The following NELL1 variants were observed in gnomAD, a reference collection of about 807,000 sequenced individuals.
NELL1 encodes the protein protein kinase C-binding protein NELL1.
NELL1 carries 76 observed loss-of-function variants against 107.4 expected under a neutral mutation model. That is an observed-to-expected ratio of 0.71 (90% CI 0.59 to 0.86). The LOEUF is 0.86. Ranked by LOEUF, NELL1 falls within the 40% of genes least tolerant of loss-of-function variation. The pLI is 0.00. For missense variants in NELL1, 1,024 were observed against 1,005.5 expected, an observed-to-expected ratio of 1.02 and a Z score of -0.25; for synonymous variants, 353 against 341.2, an observed-to-expected ratio of 1.03 and a Z score of -0.38.
intron 15 of NELL1, among the ~76,000 whole-genome samples, chr11:21,474,762 G>C (rs115258843): frequency 1.3e-5 from 2 of 152,066 alleles, no homozygotes; most frequent in African/African-American, 4.8e-5. Flanking sequence ...TCCCATTTCA[G>C]TAAAACCTAA....
intron 5 of NELL1, among the ~76,000 whole-genome samples, chr11:20,916,178 G>A (rs1590411910): frequency 6.6e-6 from 1 of 152,018 alleles, no homozygotes; most frequent in Admixed American, 6.6e-5. Context: ...TGAGCATTGG[G>A]AAGCTGTCAG....
At chr11:20,926,031 C>T (rs1850488903) in intron 7 of NELL1, among the ~76,000 whole-genome samples, 1 of 152,044 alleles carries the variant, frequency 6.6e-6, no homozygotes. Context: ...AATTGATCTC[C>T]TGTATGGGGA....
At chr11:20,712,097 T>C (rs971662320) in intron 2 of NELL1, among the ~76,000 whole-genome samples, 13 of 152,186 alleles carry the variant, frequency 8.5e-5, no homozygotes, top group African/African-American at 2.9e-4. Context: ...TATTCTTAGA[T>C]TTGGTCATAT....
intron 13 of NELL1, among the ~76,000 whole-genome samples, chr11:21,204,605 A>G (rs922417753): frequency 6.6e-6 from 1 of 151,818 alleles, no homozygotes; most frequent in African/African-American, 2.4e-5. Flanking sequence ...TCTGAAGCCT[A>G]CTTCTCTGAA....
chr11:21,417,721 C>A (rs60685858), intron 15 of NELL1, among the ~76,000 whole-genome samples: 14 of 152,002 alleles, frequency 9.2e-5, no homozygotes, highest in African/African-American at 3.4e-4. Context: ...TCCCCATTAC[C>A]TGAGCCTATT....
chr11:21,044,137 T>G (rs919981676), intron 12 of NELL1, among the ~76,000 whole-genome samples: 1 of 152,120 alleles, frequency 6.6e-6, no homozygotes, highest in African/African-American at 2.4e-5. Context: ...AGGGTGCAGA[T>G]GGAGAAGCCA....
intron 2 of NELL1, among the ~76,000 whole-genome samples, chr11:20,710,376 C>A (rs950627907): frequency 1.3e-5 from 2 of 152,178 alleles, no homozygotes; most frequent in Non-Finnish European, 2.9e-5. Context: ...TAAACCATCC[C>A]TCCATCCCTG....
intron 13 of NELL1, among the ~76,000 whole-genome samples, chr11:21,218,122 A>G (rs1857662671): frequency 1.3e-5 from 2 of 152,188 alleles, no homozygotes. Context: ...CAAATATACT[A>G]TAGCCAAACT....
intron 7 of NELL1, among the ~76,000 whole-genome samples, chr11:20,922,100 G>A (rs1460361779): frequency 6.6e-6 from 1 of 152,006 alleles, no homozygotes; most frequent in African/African-American, 2.4e-5. Flanking sequence ...AACACTGAGG[G>A]TATCTCATGT....
intron 5 of NELL1, among the ~76,000 whole-genome samples, chr11:20,900,247 A>C (rs1055001220): frequency 1.3e-5 from 2 of 152,138 alleles, no homozygotes; most frequent in Admixed American, 1.3e-4. Context: ...CATGGAATAA[A>C]GTTTCAAGAG....
chr11:21,029,173 G>C lies in NELL1; in HGVS notation c.1300+68613G>C, dbSNP rs146059008. Among the ~76,000 whole-genome samples the C allele has an allele frequency of 4.6e-5, 7 of 152,202 alleles. No homozygotes were observed. The East Asian group carries it at 1.4e-3, about 29-fold the overall frequency. On this transcript the variant is annotated intron_variant, in intron 12 of 19. Coordinates refer to ENST00000357134, the MANE Select transcript of NELL1 (RefSeq NM_006157.5). ...ATACTTTAATCGTATTCATTAAAGG[G>C]GGAAGAGAAAGGGGTTTTGTCCTCA... is the stretch of plus-strand genomic sequence containing the variant.
intron 16 of NELL1, among the ~76,000 whole-genome samples, chr11:21,544,885 G>GT (rs372148142): frequency 8.1e-4 from 121 of 148,954 alleles, no homozygotes; most frequent in East Asian, 7.6e-3. Flanking sequence ...TTCAGATGAG[G>GT]TTTTTTTTTT....
chr11:21,506,610 T>G (rs943089757), intron 15 of NELL1, among the ~76,000 whole-genome samples: 6 of 152,180 alleles, frequency 3.9e-5, no homozygotes, highest in African/African-American at 1.4e-4. Context: ...TGGTTTATGG[T>G]GGGAATAAAT....
chr11:20,669,730 A>T lies in NELL1; in HGVS notation c.7A>T (p.Met3Leu). 6.2e-7 allele frequency: 1 copy of T among 1,613,174 alleles called. No individual in the cohort carries two copies. The highest frequency in any genetic ancestry group is 8.5e-7 in the Non-Finnish European group (1 of 1,179,544). MP[M>L]DLILVVWFCV... ...GCGGGGACCCTCGAGAGCGATGCCG[A>T]TGGATTTGATTTTAGTTGTGTGGTT... The change falls in exon 1 of 20, where the codon ATG becomes TTG. Residue 3 changes from methionine to leucine, a missense_variant. By Grantham distance (15) the Met-to-Leu change is conservative. Transcript: ENST00000357134. This position sits in a 1 kb window ranked among gnomAD's most constrained non-coding sequence, Gnocchi z 4.4.
intron 1 of NELL1, among the ~76,000 whole-genome samples, chr11:20,670,956 G>T (rs1853890259): frequency 1.3e-5 from 2 of 152,240 alleles, no homozygotes; most frequent in Non-Finnish European, 2.9e-5. Flanking sequence ...AGTTCCCTCC[G>T]CTTGCGCCCA....
intron 13 of NELL1, among the ~76,000 whole-genome samples, chr11:21,127,605 AGAGGAAGAGGAAGAAGAAGAG>A (rs1275763650): frequency 1.5e-5 from 2 of 129,906 alleles, no homozygotes; most frequent in East Asian, 5.7e-4. Flanking sequence ...AAGAGGAAGA[AGAGGAAGAGGAAGAAGAAGAG>A]GAGGAAGAGG....
chr11:20,893,532 C>T (rs1041955514), intron 5 of NELL1, among the ~76,000 whole-genome samples: 7 of 151,782 alleles, frequency 4.6e-5, no homozygotes, highest in African/African-American at 1.7e-4. Context: ...TAACTTTAGA[C>T]TTTAAGTCTA....
At position 20,928,468 on chromosome 11, in the gene NELL1, A is replaced by C. The variant is rs1465686821; in HGVS notation, c.986A>C (p.Lys329Thr). 13 of 1,613,576 alleles carry C rather than the reference A, an allele frequency of 8.1e-6. No individual in the cohort carries two copies. The highest frequency in any genetic ancestry group is 1.0e-5 in the Non-Finnish European group (12 of 1,179,580). Residue 329 changes from lysine to threonine, a missense_variant, in exon 9 of 20, where the codon AAG (lysine) becomes ACG (threonine). Coordinates refer to ENST00000357134, the MANE Select transcript of NELL1 (RefSeq NM_006157.5). ...GTGCACATTGCTGGCCAGTGCTGTA[A>C]GGTCTGCCGACGTAAGTACTGACTG... ...LPVHIAGQCCKVCRPKCIYGG... is the reference protein window; with the variant it reads ...LPVHIAGQCCTVCRPKCIYGG...
intron 14 of NELL1, among the ~76,000 whole-genome samples, chr11:21,265,457 T>G (rs1393406331): frequency 6.6e-6 from 1 of 152,060 alleles, no homozygotes; most frequent in Non-Finnish European, 1.5e-5. Flanking sequence ...TTTTCTGCCA[T>G]CTGTCAGCTC....
Sources: allele counts gnomAD v4.1 joint callset (sites outside exome capture counted in the v4.1 genomes callset), GRCh38; gene constraint gnomAD v4.1.1; non-coding constraint Gnocchi (gnomAD v3.1); transcripts MANE v1.5; gene names NCBI Gene and HGNC (gene_info 2026-07-23, HGNC 2026-07-21).